Variants in DCLK1 observed in about 807,000 individuals in gnomAD.
The protein encoded by DCLK1 is doublecortin like kinase 1.
In DCLK1, 16 loss-of-function variants were observed where a neutral mutation model predicts 86.2. The ratio of observed to expected loss-of-function variants is 0.19; its 90% CI spans 0.13 to 0.28. The LOEUF (loss-of-function observed/expected upper bound fraction) is 0.28. Among genes scored for constraint, DCLK1 ranks in the 10% least tolerant of loss-of-function variants. The pLI, the probability that DCLK1 is intolerant of heterozygous loss-of-function variation, is 1.00. For missense variants in DCLK1, 590 were observed against 940.2 expected, an observed-to-expected ratio of 0.63 and a Z score of 4.87; for synonymous variants, 369 against 370.5, an observed-to-expected ratio of 1.00 and a Z score of 0.05.
At chr13:36,092,362 T>C (rs1360567475) in intron 3 of DCLK1, among the ~76,000 whole-genome samples, 3 of 152,210 alleles carry the variant, frequency 2.0e-5, no homozygotes, top group African/African-American at 4.8e-5. Flanking sequence ...ACACAGTTCC[T>C]AGCACAACGG....
chr13:35,879,869 C>T (rs535300301), intron 4 of DCLK1, among the ~76,000 whole-genome samples: 16 of 152,192 alleles, frequency 1.1e-4, no homozygotes, highest in African/African-American at 3.9e-4. Context: ...CACTAGATGC[C>T]AGTGCCACTA....
intron 4 of DCLK1, among the ~76,000 whole-genome samples, chr13:35,901,800 G>A (rs2153122493): frequency 6.6e-6 from 1 of 152,198 alleles, no homozygotes; most frequent in African/African-American, 2.4e-5. Flanking sequence ...CCAAGGAGGG[G>A]ACTCACTCAC....
intron 4 of DCLK1, among the ~76,000 whole-genome samples, chr13:35,883,291 G>T (rs1333071491): frequency 6.6e-6 from 1 of 152,198 alleles, no homozygotes; most frequent in Non-Finnish European, 1.5e-5. Flanking sequence ...GATCCCTCGA[G>T]AATGTCTTGG....
In DCLK1 at chr13:35,914,377, A is replaced by ATATATATGTATATATATATATATACG. The variant is rs1875279081; in HGVS notation, c.823+32980_823+32981insCGTATATATATATATATACATATATA. On this transcript the variant is annotated intron_variant, in intron 4 of 16. Coordinates refer to ENST00000360631, the MANE Select transcript of DCLK1 (RefSeq NM_001330071.2). Reference sequence around the variant, plus strand: ...TATATATATATATATATGTATATATATATATATATATATAAGCAAAATTAT... The same window carrying ATATATATGTATATATATATATATACG: ...TATATATATATATATATGTATATATATATATATGTATATATATATATATACGTATATATATATATAAGCAAAATTAT... Among the ~76,000 whole-genome samples, 35 of 111,654 alleles carry ATATATATGTATATATATATATATACG rather than the reference A, an allele frequency of 3.1e-4. No homozygotes were observed. The South Asian group carries it at 0.01, about 32-fold the overall frequency. The allele number at this position is 111,654 out of a possible 152,430, so 73.2% of individuals were successfully genotyped here.
chr13:36,097,822 C>G (rs993706334), intron 3 of DCLK1, among the ~76,000 whole-genome samples: 18 of 151,760 alleles, frequency 1.2e-4, no homozygotes, highest in African/African-American at 4.4e-4. Context: ...ACCAATAAAG[C>G]TCAGCAATAA....
At chr13:35,913,971 A>G (rs1875209710) in intron 4 of DCLK1, among the ~76,000 whole-genome samples, 1 of 152,100 alleles carries the variant, frequency 6.6e-6, no homozygotes, top group South Asian at 2.1e-4. Context: ...TTTAATTCCA[A>G]TTTGGTTATG....
In DCLK1 at chr13:35,972,220, A is replaced by T. The variant is rs1879098029; in HGVS notation, c.724-24763T>A. Reference sequence around the variant, plus strand: ...CTGTGGCTCTCAAACATCTTTCAGCAAGTTCTTTCCTCATGTAGATTCTTA... The same window carrying T: ...CTGTGGCTCTCAAACATCTTTCAGCTAGTTCTTTCCTCATGTAGATTCTTA... On this transcript the variant is annotated intron_variant, in intron 3 of 16. Transcript: ENST00000360631. Among the ~76,000 whole-genome samples, 3 of 151,862 alleles carry T rather than the reference A, an allele frequency of 2.0e-5. No individual in the cohort carries two copies. In the South Asian group the frequency reaches 6.2e-4, roughly 32 times the overall value.
At chr13:35,943,486 A>C (rs555934685) in intron 4 of DCLK1, among the ~76,000 whole-genome samples, 3 of 152,196 alleles carry the variant, frequency 2.0e-5, no homozygotes, top group Non-Finnish European at 2.9e-5. Flanking sequence ...GCCTATTAAC[A>C]TCAGAATCAA....
intron 4 of DCLK1, among the ~76,000 whole-genome samples, chr13:35,902,737 C>T (rs1042123082): frequency 1.3e-5 from 2 of 152,062 alleles, no homozygotes; most frequent in African/African-American, 2.4e-5. Context: ...AAGGCTGCTG[C>T]TTATGGAAAG....
intron 11 of DCLK1, among the ~76,000 whole-genome samples, chr13:35,821,749 CATTTAT>C (rs1455552636): frequency 3.3e-5 from 5 of 150,962 alleles, no homozygotes; most frequent in African/African-American, 1.2e-4. Context: ...GAGCCAGCAA[CATTTAT>C]ATTACTCCCA....
intron 4 of DCLK1, among the ~76,000 whole-genome samples, chr13:35,917,769 G>A (rs1217213176): frequency 2.0e-5 from 3 of 150,954 alleles, no homozygotes; most frequent in Non-Finnish European, 4.4e-5. Flanking sequence ...TAGTTACCCT[G>A]GGAATATTTT....
In DCLK1 at chr13:35,959,893, G is replaced by A. The variant is rs564784401; in HGVS notation, c.724-12436C>T. 1.2e-4 allele frequency among the ~76,000 whole-genome samples: 18 copies of A among 149,888 alleles called. No individual in the cohort carries two copies. The South Asian group carries it at 2.3e-3, about 19-fold the overall frequency. ...TGTGTGTGTGTGTGTGTGTGTGTGT[G>A]CACCTGTGTGTGCATGTTTATGTGC... On this transcript the variant is annotated intron_variant, in intron 3 of 16. Coordinates refer to ENST00000360631, the MANE Select transcript of DCLK1 (RefSeq NM_001330071.2).
intron 4 of DCLK1, among the ~76,000 whole-genome samples, chr13:35,931,833 G>A (rs1466478158): frequency 6.6e-6 from 1 of 152,154 alleles, no homozygotes; most frequent in Admixed American, 6.5e-5. Context: ...TACATTCATG[G>A]TACCCTGATA....
At chr13:36,044,987 A>G (rs1214316278) in intron 3 of DCLK1, among the ~76,000 whole-genome samples, 1 of 151,858 alleles carries the variant, frequency 6.6e-6, no homozygotes, top group African/African-American at 2.4e-5. Flanking sequence ...TTACTTTGCT[A>G]CAAATAAAAA....
chr13:35,966,733 T>C (rs1878760214), intron 3 of DCLK1, among the ~76,000 whole-genome samples: 1 of 152,136 alleles, frequency 6.6e-6, no homozygotes, highest in African/African-American at 2.4e-5. Flanking sequence ...CTCCAGCTCC[T>C]GACCGCGAGT....
intron 3 of DCLK1, among the ~76,000 whole-genome samples, chr13:35,977,923 C>G (rs915602515): frequency 6.6e-6 from 1 of 151,704 alleles, no homozygotes. Context: ...GACTAACGTT[C>G]TCTACACAGT....
At chr13:36,064,108 C>T (rs1053507477) in intron 3 of DCLK1, among the ~76,000 whole-genome samples, 1 of 152,168 alleles carries the variant, frequency 6.6e-6, no homozygotes, top group African/African-American at 2.4e-5. Context: ...TTGATGAATA[C>T]TATTCACACG....
intron 16 of DCLK1, among the ~76,000 whole-genome samples, chr13:35,789,354 T>G (rs1163118498): frequency 6.6e-6 from 1 of 152,244 alleles, no homozygotes; most frequent in Non-Finnish European, 1.5e-5. Flanking sequence ...TAAACTAGGC[T>G]ATCCAAGTGT....
intron 3 of DCLK1, among the ~76,000 whole-genome samples, chr13:36,001,319 C>T (rs538824385): frequency 1.6e-4 from 24 of 152,284 alleles, no homozygotes; most frequent in African/African-American, 5.3e-4. Context: ...AAAAACAATG[C>T]TACCTTTTTG....
Sources: allele counts gnomAD v4.1 joint callset (sites outside exome capture counted in the v4.1 genomes callset), GRCh38; gene constraint gnomAD v4.1.1; transcripts MANE v1.5; gene names NCBI Gene and HGNC (gene_info 2026-07-23, HGNC 2026-07-21).